The following CADM2 variants were observed in gnomAD, a reference collection of about 807,000 sequenced individuals.
CADM2 encodes the protein immunoglobulin superfamily member 4D.
CADM2 carries 12 observed loss-of-function variants against 49.8 expected under a neutral mutation model. The ratio of observed to expected loss-of-function variants is 0.24; its 90% confidence interval spans 0.15 to 0.39. CADM2 has a LOEUF of 0.39. Ranked by LOEUF, CADM2 falls within the 10% of genes least tolerant of loss-of-function variation. CADM2 has a pLI of 1.00. For missense variants in CADM2, 378 were observed against 492.3 expected, an observed-to-expected ratio of 0.77 and a Z score of 2.20; for synonymous variants, 214 against 175.4, an observed-to-expected ratio of 1.22 and a Z score of -1.74.
intron 2 of CADM2, among the ~76,000 whole-genome samples, chr3:85,794,453 G>T (rs1279519122): frequency 6.6e-6 from 1 of 152,166 alleles, no homozygotes; most frequent in Non-Finnish European, 1.5e-5. Flanking sequence ...ACCTTAATTG[G>T]ATTAGAATCA....
At chr3:86,008,570 A>T (rs1402775195) in intron 8 of CADM2, among the ~76,000 whole-genome samples, 1 of 152,108 alleles carries the variant, frequency 6.6e-6, no homozygotes, top group Non-Finnish European at 1.5e-5. Flanking sequence ...GGCAATACGT[A>T]ATCTATGCAA....
At chr3:85,640,268 A>G (rs953508534) in intron 1 of CADM2, among the ~76,000 whole-genome samples, 5 of 152,192 alleles carry the variant, frequency 3.3e-5, no homozygotes, top group Non-Finnish European at 7.3e-5. Context: ...TACTAAATAT[A>G]ATGCTACACC....
At chr3:85,492,796 AGAG>A (rs1194588212) in intron 1 of CADM2, among the ~76,000 whole-genome samples, 3 of 152,018 alleles carry the variant, frequency 2.0e-5, no homozygotes, top group African/African-American at 7.2e-5. Flanking sequence ...TTTTTTAAAA[AGAG>A]GTATTGAAGA....
intron 1 of CADM2, among the ~76,000 whole-genome samples, chr3:85,620,217 TACTGTTTAA>T (rs1193794629): frequency 6.6e-6 from 1 of 152,156 alleles, no homozygotes; most frequent in East Asian, 1.9e-4. Context: ...CTTTGTCATT[TACTGTTTAA>T]AACACAGAAC....
intron 1 of CADM2, among the ~76,000 whole-genome samples, chr3:85,073,954 C>T (rs2036849638): frequency 3.3e-5 from 5 of 151,864 alleles, no homozygotes. Flanking sequence ...AACGTGTATC[C>T]ATATTATTAT....
At chr3:85,370,902 T>C (rs568376380) in intron 1 of CADM2, among the ~76,000 whole-genome samples, 2 of 152,168 alleles carry the variant, frequency 1.3e-5, no homozygotes, top group Non-Finnish European at 2.9e-5. Flanking sequence ...CTAACGTGTG[T>C]GTTTGTGTCT....
chr3:85,577,352 AT>A (rs1161451410), intron 1 of CADM2, among the ~76,000 whole-genome samples: 1 of 152,166 alleles, frequency 6.6e-6, no homozygotes, highest in Non-Finnish European at 1.5e-5. Context: ...GAATGCTGTT[AT>A]CATGAGAGTG....
Position 85,948,663 on chromosome 3 carries a change from A to G in CADM2, c.791+12806A>G, listed in dbSNP as rs564870378. On this transcript the variant is annotated intron_variant, in intron 7 of 9. Coordinates refer to ENST00000383699, the MANE Select transcript of CADM2 (RefSeq NM_001167675.2). ...TACAATATGTTTGTAACCTCAATCC[A>G]GGTATACAAAACTCAAACGTATAGA... is the stretch of plus-strand genomic sequence containing the variant. Among the ~76,000 whole-genome samples, 44 of 151,584 alleles carry G rather than the reference A, an allele frequency of 2.9e-4. No individual in the cohort carries two copies. In the South Asian group the frequency reaches 6.6e-3, roughly 23 times the overall value.
chr3:85,004,878 C>T (rs1284288665), intron 1 of CADM2, among the ~76,000 whole-genome samples: 1 of 152,048 alleles, frequency 6.6e-6, no homozygotes, highest in Non-Finnish European at 1.5e-5. Context: ...CTTTGTCTGG[C>T]AGCAATATGG....
At chr3:85,325,854 G>T (rs1451946977) in intron 1 of CADM2, among the ~76,000 whole-genome samples, 1 of 152,112 alleles carries the variant, frequency 6.6e-6, no homozygotes, top group African/African-American at 2.4e-5. Flanking sequence ...TCCAGGGATT[G>T]TTCCAGAAAA....
chr3:85,840,044 C>T (rs905010173), intron 3 of CADM2, among the ~76,000 whole-genome samples: 2 of 149,644 alleles, frequency 1.3e-5, no homozygotes, highest in Admixed American at 1.3e-4. Context: ...TACCAGTTCA[C>T]TCTCCTTCAG....
intron 1 of CADM2, among the ~76,000 whole-genome samples, chr3:85,637,079 T>G (rs1576988437): frequency 9.3e-6 from 1 of 107,640 alleles, no homozygotes; most frequent in South Asian, 3.8e-4. Context: ...AACATTCTAC[T>G]CTTTCCTTTT....
At chr3:85,174,396 G>C (rs1330510637) in intron 1 of CADM2, among the ~76,000 whole-genome samples, 2 of 151,960 alleles carry the variant, frequency 1.3e-5, no homozygotes, top group East Asian at 3.9e-4. Flanking sequence ...GAGATTCACT[G>C]TTTGTAGAGA....
intron 1 of CADM2, among the ~76,000 whole-genome samples, chr3:85,409,157 T>G (rs1022570098): frequency 2.0e-5 from 3 of 152,154 alleles, no homozygotes; most frequent in Non-Finnish European, 4.4e-5. Context: ...TTATTCCAGA[T>G]TTTCAACTCA....
intron 1 of CADM2, among the ~76,000 whole-genome samples, chr3:85,270,744 G>A (rs2043222325): frequency 6.6e-6 from 1 of 151,218 alleles, no homozygotes; most frequent in African/African-American, 2.4e-5. Context: ...TCACTATTAA[G>A]TAGAACACTT....
chr3:85,726,223 T>C (rs1240749056), intron 1 of CADM2, among the ~76,000 whole-genome samples: 2 of 151,970 alleles, frequency 1.3e-5, no homozygotes, highest in African/African-American at 4.8e-5. Context: ...TTAAATAAAA[T>C]TTAGAGTTAA....
At chr3:85,055,203 G>GA (rs2036034803) in intron 1 of CADM2, among the ~76,000 whole-genome samples, 2 of 151,894 alleles carry the variant, frequency 1.3e-5, no homozygotes, top group Non-Finnish European at 2.9e-5. Flanking sequence ...GGATAAATGA[G>GA]AAAGAACTAT....
At chr3:85,322,405 G>A (rs1187578133) in intron 1 of CADM2, among the ~76,000 whole-genome samples, 2 of 152,148 alleles carry the variant, frequency 1.3e-5, no homozygotes, top group Non-Finnish European at 2.9e-5. Flanking sequence ...GTCTCATGCA[G>A]AGGAATGCTA....
At chr3:85,655,750 G>A (rs2065177721) in intron 1 of CADM2, among the ~76,000 whole-genome samples, 1 of 152,078 alleles carries the variant, frequency 6.6e-6, no homozygotes, top group African/African-American at 2.4e-5. Context: ...ACTCTAAAAG[G>A]CATCAGAATC....
Sources: gnomAD v4.1 joint callset for allele counts (sites outside exome capture counted in the v4.1 genomes callset) on GRCh38, gnomAD v4.1.1 for gene constraint, MANE v1.5 for transcripts, NCBI Gene and HGNC (gene_info 2026-07-23, HGNC 2026-07-21) for gene names.